Variants in ASMTL observed in about 807,000 individuals in gnomAD.
ASMTL encodes probable bifunctional dTTP/UTP pyrophosphatase/methyltransferase protein.
ASMTL carries 57 observed loss-of-function variants against 60.3 expected under a neutral mutation model. The ratio of observed to expected loss-of-function variants is 0.95; its 90% CI spans 0.76 to 1.18. The LOEUF (loss-of-function observed/expected upper bound fraction) is 1.18, where lower values mean the gene tolerates loss of function less well. Among genes scored for constraint, ASMTL ranks in the 50% most tolerant of loss-of-function variants. ASMTL has a pLI of 0.00. For synonymous variants in ASMTL, 419 were observed against 373.0 expected (o/e 1.12, Z -1.42); for missense variants, 981 against 852.6 (o/e 1.15, Z -1.88).
chrX:1,442,434 A>AG, intron 1 of ASMTL, 117 bp from the exon 2 acceptor site: 1 of 1,175,622 alleles, frequency 8.5e-7, no homozygotes, highest in Non-Finnish European at 1.2e-6. Context: ...ACCCTGTCCC[A>AG]GGTGAGCTCA....
Position 1,437,387 on chromosome X carries a change from T to C in ASMTL, c.274-1629A>G, listed in dbSNP as rs770381051. On this transcript the variant is annotated intron_variant, in intron 3 of 12. Coordinates refer to ENST00000381317, the MANE Select transcript of ASMTL (RefSeq NM_004192.4). ...CTTATAAACAGCAGACATTGATTCT[T>C]CCATAATCCTGGAGTCTGGAAGTCT... Among the ~76,000 whole-genome samples the C allele has an allele frequency of 1.4e-4, 19 of 131,782 alleles. No homozygotes were observed. In the South Asian group the frequency reaches 1.7e-3, roughly 12 times the overall value. 86.5% of individuals were successfully genotyped at this position (131,782 alleles called of 152,430 possible).
At chrX:1,452,996 G>T (rs117956380), upstream of ASMTL, 16,643 of 580,576 alleles carry the variant, frequency 0.029, 1,970 homozygotes, top group African/African-American at 0.28. Flanking sequence ...CGCGCCTTCA[G>T]TGGCCTCCCC....
At chrX:1,417,250 A>G (rs2090321331) in intron 11 of ASMTL, among the ~76,000 whole-genome samples, 1 of 144,980 alleles carries the variant, frequency 6.9e-6, no homozygotes, top group Non-Finnish European at 1.5e-5. Context: ...TCACATACAC[A>G]CACACACCTA....
intron 1 of ASMTL, 42 bp from the exon 2 acceptor site, chrX:1,442,359 C>G: frequency 6.2e-7 from 1 of 1,611,954 alleles, no homozygotes; most frequent in South Asian, 1.1e-5. Context: ...AATGAAAGAC[C>G]CTATGAAAAG....
chrX:1,437,789 C>T (rs1240260535), intron 3 of ASMTL, among the ~76,000 whole-genome samples: 15 of 150,002 alleles, frequency 1.0e-4, no homozygotes, highest in Non-Finnish European at 2.1e-4. Flanking sequence ...CCCCGCTACT[C>T]GGGAGGCTGA....
At chrX:1,430,204 T>A (rs1302325252) in intron 6 of ASMTL, among the ~76,000 whole-genome samples, 1 of 151,904 alleles carries the variant, frequency 6.6e-6, no homozygotes, top group Non-Finnish European at 1.5e-5. Flanking sequence ...TAGTAGAGAT[T>A]GGGATTTGCC....
rs370847194 is a variant in ASMTL at position 1,427,367 on chromosome X, G to A, written c.897+367C>T. 1.6e-4 allele frequency among the ~76,000 whole-genome samples: 24 copies of A among 152,158 alleles called. No homozygotes were observed. In the East Asian group the frequency reaches 4.5e-3, roughly 28 times the overall value. On this transcript the variant is annotated intron_variant, in intron 7 of 12. Transcript: ENST00000381317. ...TGAATGGGACCTTGTTTTAAAAAGGGGTCTTGGCAGATGTAATTAAGAATC... is the reference window on the plus strand; with the variant it reads ...TGAATGGGACCTTGTTTTAAAAAGGAGTCTTGGCAGATGTAATTAAGAATC...
At chrX:1,420,368 T>A (rs2090449908) in intron 9 of ASMTL, among the ~76,000 whole-genome samples, 1 of 148,796 alleles carries the variant, frequency 6.7e-6, no homozygotes. Flanking sequence ...TATCTTTCTG[T>A]CTGCCTATCT....
intron 3 of ASMTL, among the ~76,000 whole-genome samples, chrX:1,437,724 C>A (rs144911260): frequency 4.0e-5 from 6 of 151,558 alleles, no homozygotes; most frequent in African/African-American, 1.5e-4. Context: ...GGTGAAACCC[C>A]GTCTCTACTA....
chrX:1,443,449 C>A (rs1209700170), intron 1 of ASMTL, among the ~76,000 whole-genome samples: 1 of 148,484 alleles, frequency 6.7e-6, no homozygotes, highest in Non-Finnish European at 1.5e-5. Flanking sequence ...ACAGACACCG[C>A]CATCTTGGAC....
At chrX:1,426,348 C>T (rs186840784) in intron 7 of ASMTL, among the ~76,000 whole-genome samples, 5 of 152,228 alleles carry the variant, frequency 3.3e-5, no homozygotes, top group African/African-American at 1.2e-4. Flanking sequence ...CACCTTTATT[C>T]CTTATTCACT....
At chrX:1,445,852 G>C (rs1463835226) in intron 1 of ASMTL, among the ~76,000 whole-genome samples, 1 of 152,108 alleles carries the variant, frequency 6.6e-6, no homozygotes, top group Non-Finnish European at 1.5e-5. Flanking sequence ...AGGGGACATG[G>C]TGAGGTGCGA....
intron 1 of ASMTL, among the ~76,000 whole-genome samples, chrX:1,446,249 G>A (rs1569534919): frequency 1.3e-5 from 2 of 152,042 alleles, no homozygotes; most frequent in Non-Finnish European, 2.9e-5. Context: ...CGTGACTCAC[G>A]TGACCTTACC....
rs758484632 is a variant in ASMTL, at chrX:1,419,076, G to A, written c.1284C>T (p.Phe428=). Residue 428 remains phenylalanine, a synonymous_variant, in exon 10 of 13, where the codon TTC becomes TTT. Transcript: ENST00000381317. ...YYQSPETRLR[F]MRAMHGMTKL... is the part of the protein sequence containing the mutation. ...TCGTCATGCCGTGCATGGCCCGCAT[G>A]AACCTCAGCCGCGTCTCCGGGCTCT... The A allele has an allele frequency of 1.2e-6, 2 of 1,611,202 alleles. No homozygotes were observed. The highest frequency in any genetic ancestry group is 1.7e-5 in the Admixed American group (1 of 59,832).
chrX:1,433,052 C>T (rs1250798074), intron 5 of ASMTL, among the ~76,000 whole-genome samples: 2 of 151,892 alleles, frequency 1.3e-5, no homozygotes, highest in African/African-American at 4.8e-5. Context: ...GAGCCAAGAT[C>T]ACGCCACTGT....
rs762418999 is a variant in ASMTL, at chrX:1,403,448, TCTC to T, written c.1684_1686del (p.Glu562del). ...ATCAGGGCGCGCTGCGCCACCCTCT[TCTC>T]CTCATCCAGGAGCGTCTCCACCAGC... On this transcript the variant is annotated inframe_deletion, in exon 13 of 13. Transcript: ENST00000381317. 2.3e-4 allele frequency: 364 copies of T among 1,613,108 alleles called. 5 individuals carry two copies. The South Asian group carries it at 2.8e-3, about 13-fold the overall frequency.
At chrX:1,433,476 T>G (rs1394616853) in intron 5 of ASMTL, among the ~76,000 whole-genome samples, 2 of 129,530 alleles carry the variant, frequency 1.5e-5, no homozygotes, top group Admixed American at 9.2e-5. Context: ...CCCTCCTGGC[T>G]ACCACGGTGA....
rs768310998 is a variant in ASMTL, at chrX:1,447,221, C to A, written c.94-4904G>T. 2.0e-5 allele frequency among the ~76,000 whole-genome samples: 3 copies of A among 152,374 alleles called. No individual in the cohort carries two copies. In the South Asian group the frequency reaches 6.2e-4, roughly 32 times the overall value. On this transcript the variant is annotated intron_variant, in intron 1 of 12. Transcript: ENST00000381317. Reference sequence around the variant, plus strand: ...CCAGAAAGAACACACCACCCCTCGTCCTGTTATAACTAGAGGGTCTGGATT... The same window carrying A: ...CCAGAAAGAACACACCACCCCTCGTACTGTTATAACTAGAGGGTCTGGATT...
chrX:1,411,826 T>TC (rs2090038478), intron 12 of ASMTL, among the ~76,000 whole-genome samples: 1 of 142,856 alleles, frequency 7.0e-6, no homozygotes, highest in African/African-American at 2.7e-5. Context: ...TTTTTTTTTT[T>TC]TTTTGAGATG....
Sources: gnomAD v4.1 joint callset for allele counts (sites outside exome capture counted in the v4.1 genomes callset) on GRCh38, gnomAD v4.1.1 for gene constraint, MANE v1.5 for transcripts, NCBI Gene and HGNC (gene_info 2026-07-23, HGNC 2026-07-21) for gene names.